Variants in GRAMD1B observed in about 807,000 individuals in gnomAD.
GRAMD1B encodes the protein protein Aster-B.
Under a neutral mutation model 99.7 loss-of-function variants are expected in GRAMD1B, and 37 were observed. The ratio of observed to expected loss-of-function variants is 0.37; its 90% CI spans 0.29 to 0.49. The LOEUF (loss-of-function observed/expected upper bound fraction) is 0.49. GRAMD1B is among the 20% of genes least tolerant of loss of function. The probability of loss-of-function intolerance (pLI) is 0.98; values close to 1 mark genes in which losing one functional copy is unlikely to be tolerated. For synonymous variants in GRAMD1B, 427 were observed against 387.6 expected (o/e 1.10, Z -1.19); for missense variants, 888 against 1,009.2 (o/e 0.88, Z 1.63).
chr11:123,390,371 G>A (rs745423060), intron 1 of GRAMD1B, among the ~76,000 whole-genome samples: 1 of 152,156 alleles, frequency 6.6e-6, no homozygotes, highest in African/African-American at 2.4e-5. Flanking sequence ...TCTGGGCATT[G>A]CTGAGCAACG....
chr11:123,552,273 C>CTTTTTTTTTTTTTTTTTTTTTTTTT (rs71060514), intron 2 of GRAMD1B, among the ~76,000 whole-genome samples: 1 of 119,370 alleles, frequency 8.4e-6, no homozygotes, highest in East Asian at 2.4e-4. Context: ...CTCTTTCTTT[C>CTTTTTTTTTTTTTTTTTTTTTTTTT]TTTTTTTTTT....
intron 1 of GRAMD1B, among the ~76,000 whole-genome samples, chr11:123,409,272 TG>T (rs1294759393): frequency 3.9e-5 from 6 of 152,360 alleles, no homozygotes; most frequent in South Asian, 4.1e-4. Context: ...ATAATTTCTC[TG>T]GTCCTCTTTT....
Position 123,410,199 on chromosome 11 carries a change from GCAAAAA to G in GRAMD1B, c.-176+51419_-176+51424del, listed in dbSNP as rs574042061. 1.5e-3 allele frequency among the ~76,000 whole-genome samples: 230 copies of G among 150,086 alleles called. 1 individual carries two copies. Among genetic ancestry groups the G allele is most frequent in the African/African-American group, 5.4e-3 (219 of 40,768 alleles). On this transcript the variant is annotated intron_variant, in intron 1 of 20. Coordinates refer to the GRAMD1B transcript ENST00000638157. The stretch of plus-strand genomic sequence containing the variant: ...GACAAGAAAAAAGGAGCTTATAAAA[GCAAAAA>G]CAAAAACAAAAACAAAAAAACAGAA...
intron 1 of GRAMD1B, among the ~76,000 whole-genome samples, chr11:123,419,907 G>A (rs565857986): frequency 1.3e-5 from 2 of 152,036 alleles, no homozygotes; most frequent in Non-Finnish European, 2.9e-5. Context: ...TATTATGGTG[G>A]GAATGGAACC....
chr11:123,605,935 C>T (rs1952652788), intron 10 of GRAMD1B, among the ~76,000 whole-genome samples: 1 of 152,122 alleles, frequency 6.6e-6, no homozygotes, highest in South Asian at 2.1e-4. Flanking sequence ...TTATGGAAGC[C>T]ATAAAAATGT....
chr11:123,548,325 T>TATATATATATATATATATATATAC (rs1555067740), intron 2 of GRAMD1B, among the ~76,000 whole-genome samples: 4 of 86,898 alleles, frequency 4.6e-5, no homozygotes, highest in Non-Finnish European at 8.4e-5. Flanking sequence ...TATATATATA[T>TATATATATATATATATATATATAC]ACACACACAC....
chr11:123,374,110 G>A (rs940366330), intron 1 of GRAMD1B, among the ~76,000 whole-genome samples: 7 of 152,260 alleles, frequency 4.6e-5, no homozygotes, highest in African/African-American at 1.4e-4. Context: ...CTGTTCAAAT[G>A]CTATTAACTG....
At position 123,624,802 on chromosome 11, in the gene GRAMD1B, T is replaced by A. The variant is rs996434883; in HGVS notation, c.*2207T>A. On this transcript the variant is annotated 3_prime_UTR_variant, in exon 20 of 20. Coordinates refer to ENST00000635736, the MANE Select transcript of GRAMD1B (RefSeq NM_001387025.1). ...AGGTGCCACGGTGGGACCTTTGGGA[T>A]GACTTAAAAAGGGTTCTTTGTTGGG... 6.6e-6 allele frequency: 1 copy of A among 152,202 alleles called. No individual in the cohort carries two copies. Among genetic ancestry groups the A allele is most frequent in the African/African-American group, 2.4e-5 (1 of 41,448 alleles). The allele number at this position is 152,202 out of a possible 1,614,324, so 9.4% of individuals were successfully genotyped here.
At chr11:123,608,152 A>G in intron 11 of GRAMD1B, 1 of 235,922 alleles carries the variant, frequency 4.2e-6, no homozygotes, top group Non-Finnish European at 8.2e-6. Context: ...GTTAGGGATC[A>G]CAGCCTATTG....
Position 123,525,878 on chromosome 11 carries a change from G to A in GRAMD1B, c.452+44985G>A, listed in dbSNP as rs113465532. 327 of 522,594 alleles carry A rather than the reference G, an allele frequency of 6.3e-4. 1 individual carries two copies. Among genetic ancestry groups the A allele is most frequent in the African/African-American group, 5.7e-3 (298 of 52,316 alleles). 32.4% of individuals were successfully genotyped at this position (522,594 alleles called of 1,614,324 possible). On this transcript the variant is annotated intron_variant, in intron 2 of 19. Coordinates refer to ENST00000635736, the MANE Select transcript of GRAMD1B (RefSeq NM_001387025.1). ...AAACTGGCAGCGGCAGCCACAGCTC[G>A]GGCAGGCGGCTCCAGCCCCAGGCTG...
At chr11:123,549,772 C>T (rs930336310) in intron 2 of GRAMD1B, among the ~76,000 whole-genome samples, 6 of 152,168 alleles carry the variant, frequency 3.9e-5, no homozygotes, top group African/African-American at 1.2e-4. Context: ...TCAGTAACTC[C>T]TCCCTTAGTC....
At chr11:123,554,285 T>C (rs1230231911) in intron 2 of GRAMD1B, among the ~76,000 whole-genome samples, 3 of 152,212 alleles carry the variant, frequency 2.0e-5, no homozygotes, top group Admixed American at 2.0e-4. Flanking sequence ...GAGGAAGGGA[T>C]GATGTCCTAC....
At chr11:123,433,938 C>T (rs1384549766) in intron 1 of GRAMD1B, among the ~76,000 whole-genome samples, 1 of 151,868 alleles carries the variant, frequency 6.6e-6, no homozygotes, top group Admixed American at 6.6e-5. Flanking sequence ...ATTAGAAGAA[C>T]CTATGTATCA....
intron 7 of GRAMD1B, among the ~76,000 whole-genome samples, chr11:123,597,061 G>A (rs185774197): frequency 2.0e-4 from 30 of 151,964 alleles, no homozygotes; most frequent in Non-Finnish European, 3.8e-4. Flanking sequence ...TAGCAAGCAG[G>A]TGAAGTGACT....
At chr11:123,511,149 C>T (rs1185730925) in intron 2 of GRAMD1B, among the ~76,000 whole-genome samples, 2 of 152,154 alleles carry the variant, frequency 1.3e-5, no homozygotes, top group Non-Finnish European at 2.9e-5. Context: ...TCCACACTTT[C>T]TTTTCACCTT....
intron 1 of GRAMD1B, among the ~76,000 whole-genome samples, chr11:123,372,590 A>G (rs1361958208): frequency 6.6e-6 from 1 of 152,050 alleles, no homozygotes; most frequent in Non-Finnish European, 1.5e-5. Flanking sequence ...CAACATGTAA[A>G]GTATTCTGGT....
At chr11:123,419,861 T>A (rs775554308) in intron 1 of GRAMD1B, among the ~76,000 whole-genome samples, 3 of 152,098 alleles carry the variant, frequency 2.0e-5, no homozygotes, top group Admixed American at 1.3e-4. Context: ...CAATGAGTGC[T>A]GACTGGCTGT....
intron 1 of GRAMD1B, among the ~76,000 whole-genome samples, chr11:123,437,563 C>A (rs2846290): frequency 0.14 from 21,063 of 152,122 alleles, 1,546 homozygotes; most frequent in Non-Finnish European, 0.15. Context: ...TATGTCCCTT[C>A]TTCTACATAA....
At chr11:123,487,420 G>A (rs1937950809) in intron 2 of GRAMD1B, among the ~76,000 whole-genome samples, 1 of 152,198 alleles carries the variant, frequency 6.6e-6, no homozygotes, top group African/African-American at 2.4e-5. Flanking sequence ...AGCAAGGCAT[G>A]TTCGGGAACC....
Sources: allele counts gnomAD v4.1 joint callset (sites outside exome capture counted in the v4.1 genomes callset), GRCh38; gene constraint gnomAD v4.1.1; transcripts MANE v1.5; gene names NCBI Gene and HGNC (gene_info 2026-07-23, HGNC 2026-07-21).